Variants in CEP89 observed in about 807,000 individuals in gnomAD.
The protein encoded by CEP89 is centrosomal protein of 89 kDa.
CEP89 carries 95 observed loss-of-function variants against 97.6 expected under a neutral mutation model. That is an observed-to-expected ratio of 0.97 (90% CI 0.82 to 1.15). The LOEUF (loss-of-function observed/expected upper bound fraction) is 1.15, where lower values mean the gene tolerates loss of function less well. CEP89 is among the 50% of genes most tolerant of loss of function. CEP89 has a pLI of 0.00. For synonymous variants in CEP89, 354 were observed against 349.1 expected (o/e 1.01, Z -0.16); for missense variants, 869 against 947.7 (o/e 0.92, Z 1.09).
At chr19:32,960,863 A>T (rs1971152654) in intron 2 of CEP89, among the ~76,000 whole-genome samples, 1 of 152,096 alleles carries the variant, frequency 6.6e-6, no homozygotes, top group African/African-American at 2.4e-5. Flanking sequence ...CTTGCTGCCT[A>T]GGAAAATTTC....
At chr19:32,940,194 C>T (rs1342187861) in intron 5 of CEP89, among the ~76,000 whole-genome samples, 1 of 151,834 alleles carries the variant, frequency 6.6e-6, no homozygotes, top group Admixed American at 6.6e-5. Context: ...CCTTCCAACA[C>T]CCCTCCCCAT....
intron 13 of CEP89, 71 bp downstream of exon 13, chr19:32,918,153 G>A (rs1461797019): frequency 1.6e-6 from 2 of 1,267,694 alleles, no homozygotes; most frequent in Non-Finnish European, 2.3e-6. Flanking sequence ...CCCCCGGCAG[G>A]AGAGAGATAG....
chr19:32,969,535 G>C (rs1002990445), intron 1 of CEP89: 1 of 152,544 alleles, frequency 6.6e-6, no homozygotes, highest in Admixed American at 6.5e-5. Context: ...TGCTGGAGTG[G>C]AGAGAGGCCA....
At chr19:32,940,691 C>G (rs956439960) in intron 5 of CEP89, among the ~76,000 whole-genome samples, 9 of 152,162 alleles carry the variant, frequency 5.9e-5, no homozygotes, top group Non-Finnish European at 1.3e-4. Context: ...ATCCAGGTAC[C>G]CTAGGAAGCA....
rs531651919 is a variant in CEP89 at position 32,926,281 on chromosome 19, T to C, written c.1081-8A>G. 11 of 1,593,516 alleles carry C rather than the reference T, an allele frequency of 6.9e-6. No homozygotes were observed. The highest frequency in any genetic ancestry group is 1.7e-5 in the Admixed American group (1 of 59,812). On this transcript the variant is annotated splice_polypyrimidine_tract_variant and splice_region_variant and intron_variant, in intron 10 of 18. Coordinates refer to ENST00000305768, the MANE Select transcript of CEP89 (RefSeq NM_032816.5). The stretch of plus-strand genomic sequence containing the variant: ...CAGGTACTTTATATCCAACTGAAGA[T>C]AGAGAGTAAAGGAAGGTTAATATAT...
At chr19:32,899,651 A>G (rs1969721750) in intron 16 of CEP89, among the ~76,000 whole-genome samples, 1 of 152,186 alleles carries the variant, frequency 6.6e-6, no homozygotes, top group African/African-American at 2.4e-5. Flanking sequence ...TAACTTCATT[A>G]TGAGTTGTAA....
chr19:32,888,584 G>A (rs763132928), intron 16 of CEP89, among the ~76,000 whole-genome samples: 5 of 151,750 alleles, frequency 3.3e-5, no homozygotes, highest in Non-Finnish European at 7.4e-5. Context: ...TCAAGAGGCT[G>A]AGGCACGAGA....
At chr19:32,918,419 C>T in intron 12 of CEP89, 80 bp from the exon 13 acceptor site, 1 of 971,166 alleles carries the variant, frequency 1.0e-6, no homozygotes, top group Non-Finnish European at 1.7e-6. Flanking sequence ...TAAAAGGAAG[C>T]AATGGCTGCA....
chr19:32,968,743 G>T (rs562161581), intron 1 of CEP89, among the ~76,000 whole-genome samples: 11 of 152,086 alleles, frequency 7.2e-5, no homozygotes, highest in African/African-American at 2.7e-4. Context: ...CTCTCTCAAC[G>T]GCAGGCAAAT....
At chr19:32,927,064 A>C in intron 9 of CEP89, 80 bp from the exon 10 acceptor site, 1 of 1,278,448 alleles carries the variant, frequency 7.8e-7, no homozygotes, top group Non-Finnish European at 1.1e-6. Context: ...CTTAATCTAG[A>C]CTGGGCATTG....
chr19:32,921,283 G>A (rs1056398473), intron 12 of CEP89, among the ~76,000 whole-genome samples: 9 of 152,078 alleles, frequency 5.9e-5, no homozygotes, highest in Admixed American at 3.9e-4. Context: ...TCCGTGTACC[G>A]AGTGCTGCAT....
At chr19:32,885,748 G>A (rs1969381459) in intron 17 of CEP89, among the ~76,000 whole-genome samples, 1 of 152,128 alleles carries the variant, frequency 6.6e-6, no homozygotes, top group African/African-American at 2.4e-5. Flanking sequence ...TTTCAGAAAG[G>A]TTTTTATGAG....
At chr19:32,955,842 G>A (rs1350245718) in intron 3 of CEP89, among the ~76,000 whole-genome samples, 5 of 152,016 alleles carry the variant, frequency 3.3e-5, no homozygotes, top group Non-Finnish European at 7.4e-5. Context: ...GTCAAATGGT[G>A]TGAACATTTT....
chr19:32,966,907 C>T (rs1374354877), intron 1 of CEP89, among the ~76,000 whole-genome samples: 5 of 152,090 alleles, frequency 3.3e-5, no homozygotes, highest in African/African-American at 9.7e-5. Context: ...TGCAGTGGTA[C>T]GATCATAGCT....
chr19:32,899,305 A>T (rs1568549472), intron 16 of CEP89, among the ~76,000 whole-genome samples: 3 of 150,984 alleles, frequency 2.0e-5, no homozygotes, highest in African/African-American at 7.3e-5. Flanking sequence ...TAATTTTTAA[A>T]TTTTTTTTTG....
At position 32,911,877 on chromosome 19, in the gene CEP89, G is replaced by A. The variant is rs7246324; in HGVS notation, c.1565+3460C>T. Among the ~76,000 whole-genome samples, 1,435 of 152,206 alleles carry A rather than the reference G, an allele frequency of 9.4e-3. 14 individuals are homozygous for A. Among genetic ancestry groups the A allele is most frequent in the African/African-American group, 0.023 (966 of 41,520 alleles). The stretch of plus-strand genomic sequence containing the variant: ...ACCATTTTGAGCTGAAAGGCTCACC[G>A]TTTAAAACATTATTTCCCCCTTATT... On this transcript the variant is annotated intron_variant, in intron 14 of 18. Coordinates refer to ENST00000305768, the MANE Select transcript of CEP89 (RefSeq NM_032816.5).
Position 32,958,552 on chromosome 19 carries a change from G to A in CEP89, c.305+1348C>T, listed in dbSNP as rs145740486. 2.8e-3 allele frequency among the ~76,000 whole-genome samples: 428 copies of A among 152,070 alleles called. 4 individuals are homozygous for A. Among genetic ancestry groups the A allele is most frequent in the African/African-American group, 9.6e-3 (399 of 41,454 alleles). ...AAATTAGCCGGGAGAGGTGGCACAC[G>A]CCTGTAATCCCAGCTACTCAGGAGA... On this transcript the variant is annotated intron_variant, in intron 3 of 18. Coordinates refer to ENST00000305768, the MANE Select transcript of CEP89 (RefSeq NM_032816.5).
intron 16 of CEP89, among the ~76,000 whole-genome samples, chr19:32,894,178 A>G (rs933821818): frequency 6.6e-6 from 1 of 152,168 alleles, no homozygotes; most frequent in Non-Finnish European, 1.5e-5. Context: ...CTGAAAACCT[A>G]GAGAAAATGG....
intron 16 of CEP89, among the ~76,000 whole-genome samples, chr19:32,894,642 A>G (rs1969601729): frequency 6.6e-6 from 1 of 152,232 alleles, no homozygotes; most frequent in South Asian, 2.1e-4. Flanking sequence ...TATGCTAATT[A>G]TACATGTGAT....
Sources: gnomAD v4.1 joint callset for allele counts (sites outside exome capture counted in the v4.1 genomes callset) on GRCh38, gnomAD v4.1.1 for gene constraint, MANE v1.5 for transcripts, NCBI Gene and HGNC (gene_info 2026-07-23, HGNC 2026-07-21) for gene names.